The following HEBP2 variants were observed in gnomAD, a reference collection of about 807,000 sequenced individuals.
HEBP2 encodes heme-binding protein 2.
In HEBP2, 27 loss-of-function variants were observed where a neutral mutation model predicts 23.1. That is an observed-to-expected ratio of 1.17 (90% CI 0.86 to 1.61). HEBP2 has a LOEUF of 1.61. Among genes scored for constraint, HEBP2 ranks in the 40% most tolerant of loss-of-function variants. HEBP2 has a pLI of 0.00. For synonymous variants in HEBP2, 99 were observed against 95.1 expected, an observed-to-expected ratio of 1.04 and a Z score of -0.24; for missense variants, 245 against 253.8, an observed-to-expected ratio of 0.97 and a Z score of 0.24.
chr6:138,419,570 CT>C lies in HEBP2; in HGVS notation c.*6493del, dbSNP rs1774887707. On this transcript the variant is annotated 3_prime_UTR_variant, in exon 4 of 4. Transcript: ENST00000607197. ...TATCACATACTGCGCCACCTAGAAG[CT>C]GCTAGACTGATGGAATGTTGGCATG... 6.6e-6 allele frequency: 1 copy of C among 152,204 alleles called. No individual in the cohort carries two copies. Among genetic ancestry groups the C allele is most frequent in the Admixed American group, 6.5e-5 (1 of 15,278 alleles). The allele number at this position is 152,204 out of a possible 1,614,324, so 9.4% of individuals were successfully genotyped here. A position where few individuals can be genotyped will look rare whatever the true frequency, so the allele number is the denominator to read the frequency against.
intron 3 of HEBP2, among the ~76,000 whole-genome samples, chr6:138,411,165 G>A (rs1201657647): frequency 6.6e-6 from 1 of 152,188 alleles, no homozygotes; most frequent in Non-Finnish European, 1.5e-5. Context: ...TTGCATGTCA[G>A]CAGCTCAGCT....
chr6:138,408,594 G>A (rs1043048830), intron 3 of HEBP2, among the ~76,000 whole-genome samples: 6 of 152,116 alleles, frequency 3.9e-5, no homozygotes, highest in Non-Finnish European at 5.9e-5. Flanking sequence ...TATCTGCCAC[G>A]TGGTTACTGT....
rs887255608 is a variant in HEBP2, at chr6:138,404,538, G to A, written c.43G>A (p.Ala15Thr). ...GCCAGACCCCGGGGCGGCCGAGGACGCGGCGGCCCAAGCTGTGGAGACGCC... is the reference window on the plus strand; with the variant it reads ...GCCAGACCCCGGGGCGGCCGAGGACACGGCGGCCCAAGCTGTGGAGACGCC... ...LQPDPGAAED[A>T]AAQAVETPGW... Residue 15 changes from alanine to threonine, a missense_variant, in exon 1 of 4, where the codon GCG (alanine) becomes ACG (threonine). Coordinates refer to ENST00000607197, the MANE Select transcript of HEBP2 (RefSeq NM_014320.3). 1.1e-4 allele frequency: 146 copies of A among 1,300,196 alleles called. No individual in the cohort carries two copies. Among genetic ancestry groups the A allele is most frequent in the Middle Eastern group, 5.8e-4 (2 of 3,442 alleles). The allele number at this position is 1,300,196 out of a possible 1,614,324, so 80.5% of individuals were successfully genotyped here. A position where few individuals can be genotyped will look rare whatever the true frequency, so the allele number is the denominator to read the frequency against.
In HEBP2 at chr6:138,417,744, AGT is replaced by A; in HGVS notation, c.*4667_*4668del. ...TGTAGATCTGCAGTGGGTCCCCTGG[AGT>A]CCTTGGTTGAGTGAAGGTGTTAGAA... On this transcript the variant is annotated 3_prime_UTR_variant, in exon 4 of 4. Transcript: ENST00000607197. The A allele has an allele frequency of 6.6e-6, 1 of 152,356 alleles. No homozygotes were observed. The highest frequency in any genetic ancestry group is 1.5e-5 in the Non-Finnish European group (1 of 68,056). 9.4% of individuals were successfully genotyped at this position (152,356 alleles called of 1,614,324 possible). A position where few individuals can be genotyped will look rare whatever the true frequency, so the allele number is the denominator to read the frequency against.
intron 3 of HEBP2, among the ~76,000 whole-genome samples, chr6:138,409,146 C>A (rs1394994291): frequency 1.3e-5 from 2 of 152,144 alleles, no homozygotes; most frequent in Non-Finnish European, 2.9e-5. Context: ...CCCACTTCAG[C>A]CTCCTGAGTA....
intron 3 of HEBP2, among the ~76,000 whole-genome samples, chr6:138,409,981 A>T (rs1774716352): frequency 6.6e-6 from 1 of 152,222 alleles, no homozygotes; most frequent in Non-Finnish European, 1.5e-5. Flanking sequence ...AAACACTTGG[A>T]ACATGAGCAT....
intron 3 of HEBP2, among the ~76,000 whole-genome samples, chr6:138,410,909 T>C (rs981570464): frequency 1.3e-5 from 2 of 152,256 alleles, no homozygotes; most frequent in African/African-American, 2.4e-5. Flanking sequence ...CAGAGATTCC[T>C]ACACTTGACA....
rs1331991790 is a variant in HEBP2, at chr6:138,404,492, G to A, written c.-4G>A. The A allele has an allele frequency of 5.5e-6, 7 of 1,281,986 alleles. No individual in the cohort carries two copies. The highest frequency in any genetic ancestry group is 4.0e-5 in the Admixed American group (1 of 24,912). The allele number at this position is 1,281,986 out of a possible 1,614,324, so 79.4% of individuals were successfully genotyped here. On this transcript the variant is annotated 5_prime_UTR_variant, in exon 1 of 4. Coordinates refer to ENST00000607197, the MANE Select transcript of HEBP2 (RefSeq NM_014320.3). ...ACCAGGCTCCCAGAGCGTCAGCGCC[G>A]CCCATGGCCGAGCCGCTCCAGCCAG...
Position 138,405,964 on chromosome 6 carries a change from G to C in HEBP2, c.239-7G>C, listed in dbSNP as rs1774636918. On this transcript the variant is annotated splice_polypyrimidine_tract_variant and splice_region_variant and intron_variant, in intron 2 of 3. Coordinates refer to ENST00000607197, the MANE Select transcript of HEBP2 (RefSeq NM_014320.3). ...ACACTAAATTTGCTTTCATTTTTAT[G>C]TCACAGAGATGAAAATAAAGATGAC... The C allele has an allele frequency of 6.2e-7, 1 of 1,606,210 alleles. No homozygotes were observed. Among genetic ancestry groups the C allele is most frequent in the Non-Finnish European group, 8.5e-7 (1 of 1,176,336 alleles).
intron 3 of HEBP2, among the ~76,000 whole-genome samples, chr6:138,409,599 G>A (rs182572088): frequency 1.1e-4 from 17 of 152,314 alleles, no homozygotes; most frequent in African/African-American, 3.6e-4. Context: ...TAGCCTGCAA[G>A]CCGTCTTCCC....
At chr6:138,403,663 A>G, upstream of HEBP2, 1 of 425,742 alleles carries the variant, frequency 2.3e-6, no homozygotes, top group South Asian at 5.6e-5. Flanking sequence ...GTGCTGGGGA[A>G]CAGAGCCGCA....
rs1174410254 is a variant in HEBP2 at position 138,414,094 on chromosome 6, C to CTT, written c.*1017_*1018dup. ...AAGGCCTCTCAAGAGACAGTTGAGACTTGAATGACGAGGATGAGTCAGATG... is the reference window on the plus strand; with the variant it reads ...AAGGCCTCTCAAGAGACAGTTGAGACTTTTGAATGACGAGGATGAGTCAGATG... On this transcript the variant is annotated 3_prime_UTR_variant, in exon 4 of 4. Transcript: ENST00000607197. The CTT allele has an allele frequency of 6.6e-6, 1 of 152,440 alleles. No individual in the cohort carries two copies. Among genetic ancestry groups the CTT allele is most frequent in the Non-Finnish European group, 1.5e-5 (1 of 68,256 alleles). 9.4% of individuals were successfully genotyped at this position (152,440 alleles called of 1,614,324 possible).
At position 138,414,821 on chromosome 6, in the gene HEBP2, G is replaced by T. The variant is rs549137929; in HGVS notation, c.*1743G>T. 2 of 152,280 alleles carry T rather than the reference G, an allele frequency of 1.3e-5. 1 individual carries two copies. The highest frequency in any genetic ancestry group is 4.1e-4 in the South Asian group (2 of 4,834). 9.4% of individuals were successfully genotyped at this position (152,280 alleles called of 1,614,324 possible). On this transcript the variant is annotated 3_prime_UTR_variant, in exon 4 of 4. Transcript: ENST00000607197. ...CAGCTGTAATTCCAGCACTTTGGGA[G>T]GCTAAGGTGGGAGGATTGCTTGAGC...
chr6:138,407,157 A>G (rs894897315), intron 3 of HEBP2, among the ~76,000 whole-genome samples: 6 of 152,218 alleles, frequency 3.9e-5, no homozygotes, highest in African/African-American at 1.4e-4. Context: ...AATAGCCTCA[A>G]AAGTCTTAAT....
Position 138,414,553 on chromosome 6 carries a change from A to G in HEBP2, c.*1475A>G, listed in dbSNP as rs540894783. The G allele has an allele frequency of 2.6e-5, 4 of 152,188 alleles. No homozygotes were observed. Among genetic ancestry groups the G allele is most frequent in the Non-Finnish European group, 4.4e-5 (3 of 68,048 alleles). The allele number at this position is 152,188 out of a possible 1,614,324, so 9.4% of individuals were successfully genotyped here. On this transcript the variant is annotated 3_prime_UTR_variant, in exon 4 of 4. Transcript: ENST00000607197. The stretch of plus-strand genomic sequence containing the variant: ...GGTGTGCCACTCAAATTCACCTTCA[A>G]GAAAGTACCAGCCGCCCAGCTGTGA...
rs1373037187 is a variant in HEBP2, at chr6:138,417,111, C to G, written c.*4033C>G. 1 of 152,200 alleles carries G rather than the reference C, an allele frequency of 6.6e-6. No individual in the cohort carries two copies. The highest frequency in any genetic ancestry group is 1.5e-5 in the Non-Finnish European group (1 of 68,056). The allele number at this position is 152,200 out of a possible 1,614,324, so 9.4% of individuals were successfully genotyped here. A position where few individuals can be genotyped will look rare whatever the true frequency, so the allele number is the denominator to read the frequency against. On this transcript the variant is annotated 3_prime_UTR_variant, in exon 4 of 4. Transcript: ENST00000607197. ...CAAAGAGTCATTACAGTTCCTCCTC[C>G]TCCCATTAAAATGGGAGCATACAGA...
chr6:138,418,397 A>G lies in HEBP2; in HGVS notation c.*5319A>G, dbSNP rs908288762. On this transcript the variant is annotated 3_prime_UTR_variant, in exon 4 of 4. Coordinates refer to ENST00000607197, the MANE Select transcript of HEBP2 (RefSeq NM_014320.3). ...ACAGGAGAGGATCATATGCTTTTTGAAAAACAGCCTCTGCTGTGCTACTGG... is the reference window on the plus strand; with the variant it reads ...ACAGGAGAGGATCATATGCTTTTTGGAAAACAGCCTCTGCTGTGCTACTGG... The G allele has an allele frequency of 1.3e-5, 2 of 152,212 alleles. No individual in the cohort carries two copies. The highest frequency in any genetic ancestry group is 2.4e-5 in the African/African-American group (1 of 41,444). The allele number at this position is 152,212 out of a possible 1,614,324, so 9.4% of individuals were successfully genotyped here.
Position 138,405,244 on chromosome 6 carries a change from A to T in HEBP2, c.202A>T (p.Lys68Ter), listed in dbSNP as rs1774623283. Residue 68 changes from lysine to a stop codon, truncating the protein, a stop_gained, in exon 2 of 4, where the codon AAA (lysine) becomes TAA (stop). Transcript: ENST00000607197. LOFTEE classifies it high-confidence loss of function. ...TTCAGCCATCCAGACGGGCTTTACG[A>T]AACTGAACAGCTACATTCAAGGCAA... ...WDSAIQTGFTKLNSYIQGKNE... is the reference protein window; with the variant it reads ...WDSAIQTGFT 1.2e-6 allele frequency: 2 copies of T among 1,614,094 alleles called. No individual in the cohort carries two copies. Among genetic ancestry groups the T allele is most frequent in the Non-Finnish European group, 1.7e-6 (2 of 1,180,048 alleles).
At position 138,419,537 on chromosome 6, in the gene HEBP2, A is replaced by C. The variant is rs1467880511; in HGVS notation, c.*6459A>C. On this transcript the variant is annotated 3_prime_UTR_variant, in exon 4 of 4. Transcript: ENST00000607197. ...GAGTTCGCCAGCGGTCATAGGATCC[A>C]CTGCTCCTATCACATACTGCGCCAC... is the stretch of plus-strand genomic sequence containing the variant. The C allele has an allele frequency of 6.6e-6, 1 of 152,132 alleles. No individual in the cohort carries two copies. The allele number at this position is 152,132 out of a possible 1,614,324, so 9.4% of individuals were successfully genotyped here. A position where few individuals can be genotyped will look rare whatever the true frequency, so the allele number is the denominator to read the frequency against.
Sources: allele counts gnomAD v4.1 joint callset (sites outside exome capture counted in the v4.1 genomes callset), GRCh38; gene constraint gnomAD v4.1.1; transcripts MANE v1.5; gene names NCBI Gene and HGNC (gene_info 2026-07-23, HGNC 2026-07-21).